Variants in GCH1 observed in about 807,000 individuals in gnomAD.
GCH1 encodes GTP cyclohydrolase 1, also known as GTP cyclohydrolase I.
Under a neutral mutation model 25.9 loss-of-function variants are expected in GCH1, and 5 were observed. That is an observed-to-expected ratio of 0.19 (90% CI 0.10 to 0.41). GCH1 has a LOEUF of 0.41. Among genes scored for constraint, GCH1 ranks in the 10% least tolerant of loss-of-function variants. GCH1 has a pLI of 1.00. For synonymous variants in GCH1, 159 were observed against 129.6 expected (o/e 1.23, Z -1.54); for missense variants, 261 against 336.5 (o/e 0.78, Z 1.75).
At chr14:54,878,305 A>G (rs189838029) in intron 1 of GCH1, 2 of 152,744 alleles carry the variant, frequency 1.3e-5, no homozygotes, top group East Asian at 3.9e-4. Flanking sequence ...GTTAAAAGAC[A>G]GTGGAAGATG....
chr14:54,886,428 C>A (rs1280897967), intron 1 of GCH1, among the ~76,000 whole-genome samples: 1 of 150,936 alleles, frequency 6.6e-6, no homozygotes, highest in Non-Finnish European at 1.5e-5. Context: ...CTGGCTAACA[C>A]AGTGAAACCC....
At chr14:54,847,988 A>G (rs1020053292) in intron 3 of GCH1, among the ~76,000 whole-genome samples, 1 of 152,160 alleles carries the variant, frequency 6.6e-6, no homozygotes, top group Non-Finnish European at 1.5e-5. Context: ...TAAACCTATT[A>G]GGAGAATCAG....
Position 54,843,398 on chromosome 14 carries a change from A to T in GCH1, c.*619T>A. The stretch of plus-strand genomic sequence containing the variant: ...ATTCCCTATTCTTGAATTTAAAAAC[A>T]ATAGAAGGTAGAAATGTGCCTTTTT... On this transcript the variant is annotated 3_prime_UTR_variant, in exon 6 of 6. Transcript: ENST00000491895. 1 of 1,238,360 alleles carries T rather than the reference A, an allele frequency of 8.1e-7. No homozygotes were observed. 76.7% of individuals were successfully genotyped at this position (1,238,360 alleles called of 1,614,324 possible).
intron 3 of GCH1, among the ~76,000 whole-genome samples, chr14:54,848,144 T>C (rs1316325992): frequency 2.1e-5 from 3 of 144,334 alleles, no homozygotes; most frequent in Non-Finnish European, 4.4e-5. Context: ...CTCTTTTTTT[T>C]TTTTTTTTTG....
chr14:54,859,100 A>C (rs559093730), intron 3 of GCH1: 4 of 156,156 alleles, frequency 2.6e-5, no homozygotes, highest in African/African-American at 9.6e-5. Flanking sequence ...GAACCTAGAC[A>C]TGAACGGACT....
chr14:54,866,234 G>C (rs994089204), intron 1 of GCH1, among the ~76,000 whole-genome samples: 6 of 152,036 alleles, frequency 3.9e-5, no homozygotes, highest in South Asian at 4.1e-4. Flanking sequence ...CTAACATTCG[G>C]TGACTGCAAG....
chr14:54,888,386 T>C (rs1456546376), intron 1 of GCH1, among the ~76,000 whole-genome samples: 1 of 152,074 alleles, frequency 6.6e-6, no homozygotes, highest in Non-Finnish European at 1.5e-5. Flanking sequence ...TCCTACTGCC[T>C]CTCCCTTCAG....
chr14:54,845,193 G>A (rs1022264284), intron 5 of GCH1, among the ~76,000 whole-genome samples: 12 of 151,418 alleles, frequency 7.9e-5, no homozygotes, highest in Admixed American at 6.6e-4. Flanking sequence ...AAAAAATGGC[G>A]ATTGAGCTGG....
chr14:54,886,428 C>G (rs1280897967), intron 1 of GCH1, among the ~76,000 whole-genome samples: 1 of 150,936 alleles, frequency 6.6e-6, no homozygotes, highest in East Asian at 1.9e-4. Flanking sequence ...CTGGCTAACA[C>G]AGTGAAACCC....
chr14:54,901,012 A>G (rs926467743), intron 1 of GCH1, among the ~76,000 whole-genome samples: 4 of 152,158 alleles, frequency 2.6e-5, no homozygotes, highest in Non-Finnish European at 5.9e-5. Context: ...GGTAAAAAAA[A>G]GTGAATTTGG....
intron 3 of GCH1, among the ~76,000 whole-genome samples, chr14:54,857,381 T>C (rs2039827296): frequency 6.6e-6 from 1 of 152,226 alleles, no homozygotes; most frequent in African/African-American, 2.4e-5. Flanking sequence ...CAAGAGTCCA[T>C]TTCCCATAAA....
chr14:54,860,052 A>T (rs185484241), intron 2 of GCH1, among the ~76,000 whole-genome samples: 1 of 152,282 alleles, frequency 6.6e-6, no homozygotes, highest in African/African-American at 2.4e-5. Flanking sequence ...AATCCTGCAT[A>T]CTCAAGTCCC....
intron 1 of GCH1, among the ~76,000 whole-genome samples, chr14:54,869,863 G>C (rs2040044216): frequency 6.6e-6 from 1 of 152,180 alleles, no homozygotes; most frequent in Non-Finnish European, 1.5e-5. Context: ...GCAAGAAGAT[G>C]GAATGAATTA....
intron 1 of GCH1, among the ~76,000 whole-genome samples, chr14:54,888,948 C>G (rs775396168): frequency 6.6e-6 from 1 of 152,176 alleles, no homozygotes; most frequent in Non-Finnish European, 1.5e-5. Context: ...CACTTATAAA[C>G]AGCCCCAGCC....
At chr14:54,874,876 T>C (rs1286453126) in intron 1 of GCH1, among the ~76,000 whole-genome samples, 4 of 152,204 alleles carry the variant, frequency 2.6e-5, no homozygotes, top group Admixed American at 6.5e-5. Context: ...TCCATGCTCA[T>C]GGGTGGGAAG....
At chr14:54,863,499 C>CAAA (rs1209956263) in intron 2 of GCH1, among the ~76,000 whole-genome samples, 4 of 17,894 alleles carry the variant, frequency 2.2e-4, no homozygotes, top group Non-Finnish European at 2.1e-4. Flanking sequence ...TTTGTAATAG[C>CAAA]AAAAAAAAAA....
chr14:54,897,585 G>A lies in GCH1; in HGVS notation c.343+4736C>T, dbSNP rs193299454. Reference sequence around the variant, plus strand: ...ATTACAGGCGTGAGCCACCGCGCCCGGCTACTCCACTTTTTTTTTTAATGC... The same window carrying A: ...ATTACAGGCGTGAGCCACCGCGCCCAGCTACTCCACTTTTTTTTTTAATGC... On this transcript the variant is annotated intron_variant, in intron 1 of 5. Transcript: ENST00000491895. Among the ~76,000 whole-genome samples the A allele has an allele frequency of 6.6e-5, 10 of 152,014 alleles. No homozygotes were observed. In the East Asian group the frequency reaches 7.7e-4, roughly 12 times the overall value.
intron 2 of GCH1, among the ~76,000 whole-genome samples, chr14:54,863,781 AAGAAG>A (rs1378695544): frequency 6.6e-6 from 1 of 152,194 alleles, no homozygotes; most frequent in Non-Finnish European, 1.5e-5. Flanking sequence ...ATTAGGGATT[AAGAAG>A]AGAAAAGAAA....
In GCH1 at chr14:54,868,161, C is replaced by A. The variant is rs149914277; in HGVS notation, c.344-2725G>T. ...AGGCACAGTGGCTCACACCTGTAAT[C>A]CCAGCACTTTGGTAGGGCAAGGTGG... is the stretch of plus-strand genomic sequence containing the variant. On this transcript the variant is annotated intron_variant, in intron 1 of 5. Coordinates refer to ENST00000491895, the MANE Select transcript of GCH1 (RefSeq NM_000161.3). 2.1e-3 allele frequency among the ~76,000 whole-genome samples: 326 copies of A among 152,296 alleles called. 1 individual carries two copies. The highest frequency in any genetic ancestry group is 7.2e-3 in the African/African-American group (301 of 41,566).
Sources: allele counts gnomAD v4.1 joint callset (sites outside exome capture counted in the v4.1 genomes callset), GRCh38; gene constraint gnomAD v4.1.1; transcripts MANE v1.5; gene names NCBI Gene and HGNC (gene_info 2026-07-23, HGNC 2026-07-21).